The following C6orf89 variants were observed in gnomAD, a reference collection of about 807,000 sequenced individuals.
C6orf89 encodes the protein bombesin receptor-activated protein C6orf89.
Under a neutral mutation model 40.7 loss-of-function variants are expected in C6orf89, and 29 were observed. That is an observed-to-expected ratio of 0.71 (90% CI 0.53 to 0.97). The LOEUF (loss-of-function observed/expected upper bound fraction) is 0.97. C6orf89 is among the 50% of genes least tolerant of loss of function. C6orf89 has a pLI of 0.00. For missense variants in C6orf89, 392 were observed against 429.1 expected, an observed-to-expected ratio of 0.91 and a Z score of 0.76; for synonymous variants, 165 against 152.2, an observed-to-expected ratio of 1.08 and a Z score of -0.62.
intron 2 of C6orf89, among the ~76,000 whole-genome samples, chr6:36,896,114 AT>A (rs1471143464): frequency 9.9e-5 from 15 of 152,154 alleles, no homozygotes; most frequent in African/African-American, 3.6e-4. Context: ...GGTCCTTTGT[AT>A]ATCTTTTTTT....
upstream of C6orf89, chr6:36,885,908 C>A (rs1438991014): frequency 1.7e-6 from 1 of 593,080 alleles, no homozygotes; most frequent in Non-Finnish European, 2.1e-6. Flanking sequence ...TACAAGGCCT[C>A]GCCCAGGAGT....
At chr6:36,920,533 C>A (rs1390757208) in intron 8 of C6orf89, among the ~76,000 whole-genome samples, 1 of 152,136 alleles carries the variant, frequency 6.6e-6, no homozygotes, top group Non-Finnish European at 1.5e-5. Context: ...CAGAAGACCC[C>A]CAAGCCCCTA....
chr6:36,901,312 A>G (rs113014313), intron 3 of C6orf89, among the ~76,000 whole-genome samples: 1 of 64,664 alleles, frequency 1.5e-5, no homozygotes, highest in Non-Finnish European at 3.1e-5. Flanking sequence ...TATTATTATT[A>G]TTATTATTAT....
chr6:36,901,674 T>A (rs1396512802), intron 3 of C6orf89, among the ~76,000 whole-genome samples: 3 of 147,812 alleles, frequency 2.0e-5, no homozygotes, highest in African/African-American at 7.4e-5. Context: ...TTATTTATTT[T>A]TATTTTTTTT....
intron 3 of C6orf89, among the ~76,000 whole-genome samples, chr6:36,900,354 A>AC (rs1761625766): frequency 6.8e-6 from 1 of 147,390 alleles, no homozygotes. Context: ...GCCATGTGCC[A>AC]CCACACCTGG....
chr6:36,910,605 G>GT (rs2150705219), intron 4 of C6orf89, among the ~76,000 whole-genome samples: 1 of 152,174 alleles, frequency 6.6e-6, no homozygotes, highest in Admixed American at 6.5e-5. Flanking sequence ...GCACACACTG[G>GT]TAGTCCCAGC....
chr6:36,911,496 AAAT>A (rs966960256), intron 4 of C6orf89, among the ~76,000 whole-genome samples: 8 of 151,882 alleles, frequency 5.3e-5, no homozygotes, highest in African/African-American at 1.5e-4. Context: ...TCTCCAAAAA[AAAT>A]AATAATAATA....
chr6:36,882,824 G>T (rs555012848), upstream of C6orf89, among the ~76,000 whole-genome samples: 1 of 143,980 alleles, frequency 6.9e-6, no homozygotes, highest in African/African-American at 2.6e-5. Flanking sequence ...TGCAAGCTCC[G>T]CTTCCCGGGT....
intron 7 of C6orf89, among the ~76,000 whole-genome samples, chr6:36,917,136 T>C (rs9470434): frequency 0.26 from 39,999 of 152,006 alleles, 5,695 homozygotes; most frequent in African/African-American, 0.36. Flanking sequence ...GGAAACTGAG[T>C]CCCAGAGAGA....
chr6:36,898,196 C>T (rs1358589159), intron 2 of C6orf89, among the ~76,000 whole-genome samples: 1 of 152,136 alleles, frequency 6.6e-6, no homozygotes, highest in Non-Finnish European at 1.5e-5. Flanking sequence ...AGTCCTCCCA[C>T]CTCAGCTTCC....
chr6:36,917,246 AG>A (rs2150713077), intron 7 of C6orf89, among the ~76,000 whole-genome samples: 1 of 152,294 alleles, frequency 6.6e-6, no homozygotes, highest in Non-Finnish European at 1.5e-5. Context: ...AGAACTTGAA[AG>A]GCAAAAAGTG....
At position 36,927,952 on chromosome 6, in the gene C6orf89, T is replaced by C. The variant is rs1309637701; in HGVS notation, c.*4511T>C. ...CCAAGTCCACCCACCGTGGACGCAGTGTGACTAAATGCTGGCCTTGAAGAG... is the reference window on the plus strand; with the variant it reads ...CCAAGTCCACCCACCGTGGACGCAGCGTGACTAAATGCTGGCCTTGAAGAG... On this transcript the variant is annotated 3_prime_UTR_variant, in exon 9 of 9. Transcript: ENST00000480824. 6.6e-6 allele frequency: 1 copy of C among 152,282 alleles called. No individual in the cohort carries two copies. Among genetic ancestry groups the C allele is most frequent in the Non-Finnish European group, 1.5e-5 (1 of 68,058 alleles). The allele number at this position is 152,282 out of a possible 1,614,324, so 9.4% of individuals were successfully genotyped here.
In C6orf89 at chr6:36,899,415, G is replaced by C. The variant is rs116014494; in HGVS notation, c.-19-11G>C. On this transcript the variant is annotated splice_polypyrimidine_tract_variant and intron_variant, in intron 2 of 8. Coordinates refer to ENST00000480824, the MANE Select transcript of C6orf89 (RefSeq NM_001286635.2). ...TTCTTTTTACATTTATTTTCTCTCC[G>C]TCTCTCTCAGGGATTTTATATTGGA... 4 of 1,612,124 alleles carry C rather than the reference G, an allele frequency of 2.5e-6. No homozygotes were observed. Among genetic ancestry groups the C allele is most frequent in the Non-Finnish European group, 3.4e-6 (4 of 1,178,518 alleles).
upstream of C6orf89, among the ~76,000 whole-genome samples, chr6:36,881,718 T>G (rs1024215167): frequency 6.6e-6 from 1 of 152,186 alleles, no homozygotes; most frequent in African/African-American, 2.4e-5. Context: ...ATTATTAGGA[T>G]TCTATGTGTG....
exon 1 of C6orf89, chr6:36,871,959 T>C: frequency 8.1e-7 from 1 of 1,229,586 alleles, no homozygotes; most frequent in South Asian, 2.0e-5. Context: ...ACTCTTGATT[T>C]TCAAGCTTGT....
chr6:36,921,126 T>C (rs1762495515), intron 8 of C6orf89, among the ~76,000 whole-genome samples: 1 of 150,828 alleles, frequency 6.6e-6, no homozygotes, highest in South Asian at 2.1e-4. Context: ...CCCCTATAGT[T>C]GGCAGTGTCT....
chr6:36,907,546 T>G lies in C6orf89; in HGVS notation c.403+5112T>G, dbSNP rs150447756. Among the ~76,000 whole-genome samples, 11 of 152,358 alleles carry G rather than the reference T, an allele frequency of 7.2e-5. No homozygotes were observed. In the East Asian group the frequency reaches 2.1e-3, roughly 29 times the overall value. ...GCACGTTGACTTCAAGGCTGTGTTT[T>G]GTCTGAGAGACTGTTTTTGACATCT... On this transcript the variant is annotated intron_variant, in intron 4 of 8. Transcript: ENST00000480824.
chr6:36,882,017 A>G (rs1345664632), upstream of C6orf89, among the ~76,000 whole-genome samples: 1 of 152,156 alleles, frequency 6.6e-6, no homozygotes, highest in Non-Finnish European at 1.5e-5. Context: ...ATATTAAAAG[A>G]TAATGAAAGG....
intron 1 of C6orf89, among the ~76,000 whole-genome samples, chr6:36,876,052 T>C (rs1774644129): frequency 6.6e-6 from 1 of 152,230 alleles, no homozygotes; most frequent in Admixed American, 6.5e-5. Flanking sequence ...AATGCTAAAG[T>C]ATAATTTTTA....
Sources: allele counts gnomAD v4.1 joint callset (sites outside exome capture counted in the v4.1 genomes callset), GRCh38; gene constraint gnomAD v4.1.1; transcripts MANE v1.5; gene names NCBI Gene and HGNC (gene_info 2026-07-23, HGNC 2026-07-21).